RBBP9: variants seen among roughly 807,000 people sequenced by gnomAD.
RBBP9 encodes serine hydrolase RBBP9.
In RBBP9, 20 loss-of-function variants were observed where a neutral mutation model predicts 24.2. That is an observed-to-expected ratio of 0.83 (90% CI 0.58 to 1.20). The LOEUF is 1.20. Among genes scored for constraint, RBBP9 ranks in the 50% most tolerant of loss-of-function variants. The pLI is 0.00. For missense variants in RBBP9, 234 were observed against 233.6 expected, an observed-to-expected ratio of 1.00 and a Z score of -0.01; for synonymous variants, 74 against 84.6, an observed-to-expected ratio of 0.87 and a Z score of 0.69.
In RBBP9 at chr20:18,489,147, C is replaced by G. The variant is rs1234330242; in HGVS notation, c.*617G>C. 6.6e-6 allele frequency: 1 copy of G among 152,228 alleles called. No homozygotes were observed. The highest frequency in any genetic ancestry group is 1.5e-5 in the Non-Finnish European group (1 of 68,060). 9.4% of individuals were successfully genotyped at this position (152,228 alleles called of 1,614,324 possible). On this transcript the variant is annotated 3_prime_UTR_variant, in exon 5 of 5. Transcript: ENST00000337227. ...CCCACCACTCTTGTCTCAAACAAATCTAGTCAGTTGTACGTATATTATGAA... is the reference window on the plus strand; with the variant it reads ...CCCACCACTCTTGTCTCAAACAAATGTAGTCAGTTGTACGTATATTATGAA...
rs1456796977 is a variant in RBBP9 at position 18,488,230 on chromosome 20, G to T, written c.*1534C>A. On this transcript the variant is annotated 3_prime_UTR_variant, in exon 5 of 5. Coordinates refer to ENST00000337227, the MANE Select transcript of RBBP9 (RefSeq NM_006606.3). ...ATAGCGATCATAATAGCCAAAAAAT[G>T]TTGGGAAATGAAAAAGGGTGGGTTT... 2.0e-5 allele frequency: 3 copies of T among 151,898 alleles called. No individual in the cohort carries two copies. The highest frequency in any genetic ancestry group is 2.0e-4 in the Admixed American group (3 of 15,250). 9.4% of individuals were successfully genotyped at this position (151,898 alleles called of 1,614,324 possible). A position where few individuals can be genotyped will look rare whatever the true frequency, so the allele number is the denominator to read the frequency against.
chr20:18,487,450 C>T lies in RBBP9; in HGVS notation c.*2314G>A, dbSNP rs191073754. The T allele has an allele frequency of 2.0e-5, 3 of 152,252 alleles. No individual in the cohort carries two copies. Among genetic ancestry groups the T allele is most frequent in the East Asian group, 1.9e-4 (1 of 5,186 alleles). The allele number at this position is 152,252 out of a possible 1,614,324, so 9.4% of individuals were successfully genotyped here. ...ACAAGGCAAAGAATAAGTAATACAA[C>T]AGCAAATTTCCAAAAAATTCAAGTA... On this transcript the variant is annotated 3_prime_UTR_variant, in exon 5 of 5. Coordinates refer to ENST00000337227, the MANE Select transcript of RBBP9 (RefSeq NM_006606.3).
rs765388745 is a variant in RBBP9, at chr20:18,497,106, T to C, written c.62A>G (p.His21Arg). The change falls in exon 1 of 5, where the codon CAC becomes CGC. Residue 21 changes from histidine to arginine, a missense_variant. Physicochemically the swap from His to Arg is conservative, Grantham distance 29 (BLOSUM62 0). Transcript: ENST00000337227. Reference sequence around the variant, plus strand: ...CTTTTTCACCCAGCCATACCAGCCGTGGGTGGTCACATCCCCGCCTCCGTT... The same window carrying C: ...CTTTTTCACCCAGCCATACCAGCCGCGGGTGGTCACATCCCCGCCTCCGTT... ...PGNGGGDVTT[H>R]GWYGWVKKEL... 6.2e-7 allele frequency: 1 copy of C among 1,614,202 alleles called. No homozygotes were observed. Among genetic ancestry groups the C allele is most frequent in the East Asian group, 2.2e-5 (1 of 44,884 alleles).
chr20:18,493,040 T>G (rs544956887), intron 3 of RBBP9, among the ~76,000 whole-genome samples: 2 of 152,336 alleles, frequency 1.3e-5, no homozygotes, highest in Admixed American at 6.5e-5. Flanking sequence ...TTCCCTGACA[T>G]GCAATTCATG....
At chr20:18,492,096 C>CAAAAAAAAAAAAAAAAAA (rs71194242) in intron 3 of RBBP9, among the ~76,000 whole-genome samples, 1 of 70,064 alleles carries the variant, frequency 1.4e-5, no homozygotes, top group Non-Finnish European at 2.6e-5. Flanking sequence ...GGCTCTGTCT[C>CAAAAAAAAAAAAAAAAAA]AAAAAAAAAA....
chr20:18,490,463 C>A lies in RBBP9; in HGVS notation c.266G>T (p.Arg89Leu). Residue 89 changes from arginine to leucine, a missense_variant, in exon 4 of 5, where the codon CGA (arginine) becomes CTA (leucine). Coordinates refer to ENST00000337227, the MANE Select transcript of RBBP9 (RefSeq NM_006606.3). ...IAAMRYAETH[R>L]VYAIVLVSAY... Reference sequence around the variant, plus strand: ...AGACACTAATACAATAGCATATACTCGATGTGTTTCTGCATACCTGGAGAA... The same window carrying A: ...AGACACTAATACAATAGCATATACTAGATGTGTTTCTGCATACCTGGAGAA... 6.2e-7 allele frequency: 1 copy of A among 1,612,806 alleles called. No individual in the cohort carries two copies. The highest frequency in any genetic ancestry group is 2.2e-5 in the East Asian group (1 of 44,842).
At chr20:18,490,624 G>C in intron 3 of RBBP9, 144 bp from the exon 4 acceptor site, 1 of 563,976 alleles carries the variant, frequency 1.8e-6, no homozygotes, top group Non-Finnish European at 3.2e-6. Flanking sequence ...AAAATGGCAA[G>C]GAAACTGCAG....
At chr20:18,495,909 T>C (rs763926461) in intron 1 of RBBP9, 29 bp from the exon 2 acceptor site, 40 of 1,475,912 alleles carry the variant, frequency 2.7e-5, no homozygotes, top group East Asian at 5.0e-5. Flanking sequence ...GAAAAAGCTA[T>C]AATAAAGAGC....
At chr20:18,496,249 A>G (rs2059886367) in intron 1 of RBBP9, among the ~76,000 whole-genome samples, 1 of 152,206 alleles carries the variant, frequency 6.6e-6, no homozygotes, top group Non-Finnish European at 1.5e-5. Flanking sequence ...AAATTTGGAG[A>G]CAGCATACTC....
Position 18,492,632 on chromosome 20 carries a change from A to G in RBBP9, c.248+1326T>C, listed in dbSNP as rs747734043. Reference sequence around the variant, plus strand: ...CTGATTTCTCCATTGGAAAGGCACGATTTCCCTTTCATGATTAGAGTCATC... The same window carrying G: ...CTGATTTCTCCATTGGAAAGGCACGGTTTCCCTTTCATGATTAGAGTCATC... On this transcript the variant is annotated intron_variant, in intron 3 of 4. Transcript: ENST00000337227. Among the ~76,000 whole-genome samples, 16 of 152,148 alleles carry G rather than the reference A, an allele frequency of 1.1e-4. 1 individual carries two copies. The highest frequency in any genetic ancestry group is 2.1e-4 in the Non-Finnish European group (14 of 68,018).
intron 2 of RBBP9, among the ~76,000 whole-genome samples, chr20:18,495,331 G>C (rs1433820858): frequency 4.8e-5 from 7 of 145,492 alleles, no homozygotes; most frequent in Non-Finnish European, 7.6e-5. Context: ...GTCCACTCAG[G>C]GTTAAATGGA....
intron 2 of RBBP9, 33 bp from the exon 3 acceptor site, chr20:18,494,096 T>C (rs1358701371): frequency 6.4e-7 from 1 of 1,553,676 alleles, no homozygotes; most frequent in African/African-American, 1.4e-5. Flanking sequence ...AAGTCTGTCA[T>C]TTGATAGTGG....
rs34967358 is a variant in RBBP9 at position 18,494,282 on chromosome 20, C to CTTT, written c.143-222_143-220dup. On this transcript the variant is annotated intron_variant, in intron 2 of 4. Transcript: ENST00000337227. Reference sequence around the variant, plus strand: ...TTTTGGTAACTAGTTTTTCTTTTCTCTTTTTTTTTTTTTTTTTTGGTTTAC... The same window carrying CTTT: ...TTTTGGTAACTAGTTTTTCTTTTCTCTTTTTTTTTTTTTTTTTTTTTGGTTTAC... 1.2e-3 allele frequency among the ~76,000 whole-genome samples: 144 copies of CTTT among 122,084 alleles called. 1 individual carries two copies. Among genetic ancestry groups the CTTT allele is most frequent in the East Asian group, 5.0e-3 (22 of 4,370 alleles). 80.1% of individuals were successfully genotyped at this position (122,084 alleles called of 152,430 possible). A position where few individuals can be genotyped will look rare whatever the true frequency, so the allele number is the denominator to read the frequency against.
At chr20:18,496,939 G>T in intron 1 of RBBP9, 130 bp downstream of exon 1, 1 of 708,640 alleles carries the variant, frequency 1.4e-6, no homozygotes, top group Non-Finnish European at 2.4e-6. Context: ...AGGCAGCGGG[G>T]GAGAGGCAGG....
At position 18,489,767 on chromosome 20, in the gene RBBP9, T is replaced by A. The variant is rs775914760; in HGVS notation, c.558A>T (p.Ala186=). The change falls in exon 5 of 5, where the codon GCA becomes GCT. Residue 186 remains alanine, a synonymous_variant. Transcript: ENST00000337227. ...TVVKSLLKVP[A] ...AAAATAGCAGAAATCATACAGTCTATGCTGGTACTTTCAGCAAAGACTTTA... is the reference window on the plus strand; with the variant it reads ...AAAATAGCAGAAATCATACAGTCTAAGCTGGTACTTTCAGCAAAGACTTTA... 6.2e-7 allele frequency: 1 copy of A among 1,601,544 alleles called. No individual in the cohort carries two copies. Among genetic ancestry groups the A allele is most frequent in the Admixed American group, 1.7e-5 (1 of 59,972 alleles).
At chr20:18,495,721 C>G in intron 2 of RBBP9, 117 bp downstream of exon 2, 2 of 833,858 alleles carry the variant, frequency 2.4e-6, no homozygotes, top group East Asian at 6.6e-5. Flanking sequence ...CTTATTCTTT[C>G]TTAGGTATAT....
chr20:18,494,667 C>T (rs1470481170), intron 2 of RBBP9, among the ~76,000 whole-genome samples: 6 of 151,602 alleles, frequency 4.0e-5, no homozygotes, highest in Non-Finnish European at 7.4e-5. Flanking sequence ...GGCAACAGAG[C>T]GAGACTCCAT....
intron 2 of RBBP9, among the ~76,000 whole-genome samples, chr20:18,495,352 T>C (rs2059882135): frequency 1.4e-5 from 2 of 146,938 alleles, no homozygotes; most frequent in Admixed American, 6.9e-5. Flanking sequence ...TTAAGGGCGG[T>C]GCAAGATGTG....
chr20:18,492,097 A>C lies in RBBP9; in HGVS notation c.249-1617T>G, dbSNP rs1049090875. Among the ~76,000 whole-genome samples, 4 of 51,040 alleles carry C rather than the reference A, an allele frequency of 7.8e-5. No homozygotes were observed. The South Asian group carries it at 2.7e-3, about 35-fold the overall frequency. 33.5% of individuals were successfully genotyped at this position (51,040 alleles called of 152,430 possible). On this transcript the variant is annotated intron_variant, in intron 3 of 4. Coordinates refer to ENST00000337227, the MANE Select transcript of RBBP9 (RefSeq NM_006606.3). ...GGGCAACAGAGGGAGGCTCTGTCTCAAAAAAAAAAAAAAAAAAAAAAAGAA... is the reference window on the plus strand; with the variant it reads ...GGGCAACAGAGGGAGGCTCTGTCTCCAAAAAAAAAAAAAAAAAAAAAAGAA...
Sources: gnomAD v4.1 joint callset for allele counts (sites outside exome capture counted in the v4.1 genomes callset) on GRCh38, gnomAD v4.1.1 for gene constraint, MANE v1.5 for transcripts, NCBI Gene and HGNC (gene_info 2026-07-23, HGNC 2026-07-21) for gene names.